Variants in EPAS1 observed in about 807,000 individuals in gnomAD.
EPAS1 encodes the protein endothelial PAS domain protein 1.
EPAS1 carries 23 observed loss-of-function variants against 87.9 expected under a neutral mutation model. The ratio of observed to expected loss-of-function variants is 0.26; its 90% CI spans 0.19 to 0.37. EPAS1 has a LOEUF of 0.37. Among genes scored for constraint, EPAS1 ranks in the 10% least tolerant of loss-of-function variants. The pLI is 1.00. For missense variants in EPAS1, 1,138 were observed against 1,120.7 expected (o/e 1.02, Z -0.22); for synonymous variants, 508 against 444.3 (o/e 1.14, Z -1.80).
intron 1 of EPAS1, among the ~76,000 whole-genome samples, chr2:46,315,310 C>T (rs7571891): frequency 0.024 from 3,630 of 152,238 alleles, 59 homozygotes; most frequent in Non-Finnish European, 0.033. Flanking sequence ...TTGAAAATCA[C>T]TGAATGAAGT....
At chr2:46,376,815 CTA>C in intron 9 of EPAS1, 62 bp downstream of exon 9, 1 of 1,546,304 alleles carries the variant, frequency 6.5e-7, no homozygotes, top group South Asian at 1.1e-5. Context: ...AGAGTTCTTA[CTA>C]TAACAGGCCT....
Position 46,375,651 on chromosome 2 carries a change from C to A in EPAS1, c.887-39C>A, listed in dbSNP as rs1371635096. 1.2e-6 allele frequency: 2 copies of A among 1,607,110 alleles called. No individual in the cohort carries two copies. Among genetic ancestry groups the A allele is most frequent in the East Asian group, 4.5e-5 (2 of 44,488 alleles). ...CTGAGCCTGTGGTGCACACCCCTGCCCCACCTCCCTAAGCTCAGCTCTGTT... is the reference window on the plus strand; with the variant it reads ...CTGAGCCTGTGGTGCACACCCCTGCACCACCTCCCTAAGCTCAGCTCTGTT... On this transcript the variant is annotated intron_variant, in intron 7 of 15. Coordinates refer to ENST00000263734, the MANE Select transcript of EPAS1 (RefSeq NM_001430.5). This position sits in a 1 kb window ranked among gnomAD's most constrained non-coding sequence, Gnocchi z 4.1.
At chr2:46,323,320 T>A (rs1683488182) in intron 1 of EPAS1, among the ~76,000 whole-genome samples, 1 of 152,212 alleles carries the variant, frequency 6.6e-6, no homozygotes, top group African/African-American at 2.4e-5. Context: ...TAGTGATCAA[T>A]AAACAGTTGT....
In EPAS1 at chr2:46,362,139, A is replaced by G. The variant is rs142074004; in HGVS notation, c.779+1049A>G. Among the ~76,000 whole-genome samples, 341 of 152,242 alleles carry G rather than the reference A, an allele frequency of 2.2e-3. 3 individuals carry two copies. The highest frequency in any genetic ancestry group is 7.7e-3 in the African/African-American group (321 of 41,538). On this transcript the variant is annotated intron_variant, in intron 6 of 15. Coordinates refer to ENST00000263734, the MANE Select transcript of EPAS1 (RefSeq NM_001430.5). ...GCTTTCTGCAGCATCTAGAGCCGCC[A>G]TGTGTCCCAGGGTGACAGTTCCTGT... is the stretch of plus-strand genomic sequence containing the variant.
chr2:46,314,577 G>T (rs1006580347), intron 1 of EPAS1, among the ~76,000 whole-genome samples: 12 of 152,322 alleles, frequency 7.9e-5, no homozygotes, highest in Middle Eastern at 6.8e-3. Context: ...CTTCACAATG[G>T]ACTAGTAAGT....
rs538083061 is a variant in EPAS1, at chr2:46,328,795, T to C, written c.27-18078T>C. On this transcript the variant is annotated intron_variant, in intron 1 of 15. Coordinates refer to ENST00000263734, the MANE Select transcript of EPAS1 (RefSeq NM_001430.5). ...ATGTACAATATCTTCCCATTGTAAC[T>C]CTTCAGAGCAAATCAGAGGTGAAAA... Among the ~76,000 whole-genome samples the C allele has an allele frequency of 9.3e-4, 142 of 152,344 alleles. 1 individual carries two copies. Among genetic ancestry groups the C allele is most frequent in the South Asian group, 1.7e-3 (8 of 4,822 alleles).
rs1163300683 is a variant in EPAS1, at chr2:46,371,374, C to A, written c.886+1441C>A. Among the ~76,000 whole-genome samples, 1 of 152,126 alleles carries A rather than the reference C, an allele frequency of 6.6e-6. No homozygotes were observed. Among genetic ancestry groups the A allele is most frequent in the Non-Finnish European group, 1.5e-5 (1 of 68,016 alleles). The stretch of plus-strand genomic sequence containing the variant: ...TCTTTTCTTTTATTGGTTCCTCTGC[C>A]TCTTCCTCATGGCTTTTGGGTTTGA... On this transcript the variant is annotated intron_variant, in intron 7 of 15. Transcript: ENST00000263734. The surrounding 1 kb of genome is among the most constrained non-coding windows in gnomAD (Gnocchi z 4.3).
intron 1 of EPAS1, among the ~76,000 whole-genome samples, chr2:46,315,775 C>G (rs1257204330): frequency 6.6e-6 from 1 of 152,224 alleles, no homozygotes; most frequent in Non-Finnish European, 1.5e-5. Context: ...GCTCTGGGCT[C>G]TGAGGGTGGA....
Position 46,356,488 on chromosome 2 carries a change from C to T in EPAS1, c.369+186C>T, listed in dbSNP as rs571520814. Among the ~76,000 whole-genome samples the T allele has an allele frequency of 2.6e-5, 4 of 152,304 alleles. No homozygotes were observed. In the East Asian group the frequency reaches 7.7e-4, roughly 29 times the overall value. On this transcript the variant is annotated intron_variant, in intron 3 of 15. Coordinates refer to ENST00000263734, the MANE Select transcript of EPAS1 (RefSeq NM_001430.5). ...CCCAAGCATTGGGTTTGGCTTTGCTCATGTCCATCCTGGTAGACAGCTCTC... is the reference window on the plus strand; with the variant it reads ...CCCAAGCATTGGGTTTGGCTTTGCTTATGTCCATCCTGGTAGACAGCTCTC...
At chr2:46,354,856 A>G (rs1020811747) in intron 2 of EPAS1, among the ~76,000 whole-genome samples, 4 of 152,146 alleles carry the variant, frequency 2.6e-5, no homozygotes, top group African/African-American at 9.7e-5. Context: ...TCTCTTCTTC[A>G]GCCAGATGGG....
Position 46,347,861 on chromosome 2 carries a change from T to C in EPAS1, c.217+798T>C, listed in dbSNP as rs1684066296. On this transcript the variant is annotated intron_variant, in intron 2 of 15. Coordinates refer to ENST00000263734, the MANE Select transcript of EPAS1 (RefSeq NM_001430.5). The surrounding 1 kb of genome is among the most constrained non-coding windows in gnomAD (Gnocchi z 4.2). Reference sequence around the variant, plus strand: ...GTGACATTCTCGTCAGGGGTGTCAGTTCTGTAAGGACGCTGGGCAACGAGT... The same window carrying C: ...GTGACATTCTCGTCAGGGGTGTCAGCTCTGTAAGGACGCTGGGCAACGAGT... 6.6e-6 allele frequency among the ~76,000 whole-genome samples: 1 copy of C among 152,220 alleles called. No individual in the cohort carries two copies. Among genetic ancestry groups the C allele is most frequent in the Non-Finnish European group, 1.5e-5 (1 of 68,040 alleles).
chr2:46,326,870 C>T (rs1014188475), intron 1 of EPAS1, among the ~76,000 whole-genome samples: 4 of 152,078 alleles, frequency 2.6e-5, no homozygotes, highest in Non-Finnish European at 5.9e-5. Flanking sequence ...GAGAGGGAGG[C>T]GGTAAGCCTG....
At chr2:46,366,138 T>C (rs1407947076) in intron 6 of EPAS1, among the ~76,000 whole-genome samples, 1 of 152,228 alleles carries the variant, frequency 6.6e-6, no homozygotes, top group Non-Finnish European at 1.5e-5. Context: ...GCACCGCACG[T>C]GGACGGGTGC....
intron 1 of EPAS1, among the ~76,000 whole-genome samples, chr2:46,307,155 G>A (rs1035356102): frequency 6.6e-6 from 1 of 152,150 alleles, no homozygotes; most frequent in African/African-American, 2.4e-5. Flanking sequence ...GTTCTCAGAT[G>A]CTATTTTCGA....
intron 1 of EPAS1, among the ~76,000 whole-genome samples, chr2:46,323,835 T>G (rs1228412677): frequency 6.6e-6 from 1 of 152,232 alleles, no homozygotes; most frequent in Non-Finnish European, 1.5e-5. Flanking sequence ...AAACAGAATT[T>G]TGCAAAGATA....
chr2:46,300,894 T>A lies in EPAS1; in HGVS notation c.26+2957T>A, dbSNP rs919707035. On this transcript the variant is annotated intron_variant, in intron 1 of 15. Coordinates refer to ENST00000263734, the MANE Select transcript of EPAS1 (RefSeq NM_001430.5). The surrounding 1 kb of genome is among the most constrained non-coding windows in gnomAD (Gnocchi z 4.1). ...GACAGCTGGACTTAGTTGTTCCTCT[T>A]CTAAAATCAAATCAAACTCCATCAT... Among the ~76,000 whole-genome samples the A allele has an allele frequency of 6.6e-6, 1 of 152,198 alleles. No homozygotes were observed. Among genetic ancestry groups the A allele is most frequent in the African/African-American group, 2.4e-5 (1 of 41,448 alleles).
At chr2:46,314,259 C>A (rs1222974486) in intron 1 of EPAS1, among the ~76,000 whole-genome samples, 5 of 152,160 alleles carry the variant, frequency 3.3e-5, no homozygotes, top group Non-Finnish European at 7.3e-5. Context: ...ACAAGAGAGT[C>A]CCAGGAGAAT....
chr2:46,325,904 C>T (rs1683551823), intron 1 of EPAS1, among the ~76,000 whole-genome samples: 1 of 152,192 alleles, frequency 6.6e-6, no homozygotes, highest in South Asian at 2.1e-4. Flanking sequence ...ACCTTCACCC[C>T]ATTTAAATCC....
intron 12 of EPAS1, chr2:46,381,393 C>A: frequency 1.3e-6 from 1 of 744,436 alleles, no homozygotes; most frequent in Non-Finnish European, 2.3e-6. Context: ...AGGCTTGAGC[C>A]CTTCAGCATC....
Sources: gnomAD v4.1 joint callset for allele counts (sites outside exome capture counted in the v4.1 genomes callset) on GRCh38, gnomAD v4.1.1 for gene constraint, Gnocchi (gnomAD v3.1) non-coding constraint, MANE v1.5 for transcripts, NCBI Gene and HGNC (gene_info 2026-07-23, HGNC 2026-07-21) for gene names.